MAMDC2: variants seen among roughly 807,000 people sequenced by gnomAD.
MAMDC2 encodes MAM domain-containing protein 2.
In MAMDC2, 57 loss-of-function variants were observed where a neutral mutation model predicts 89.8. That is an observed-to-expected ratio of 0.63 (90% CI 0.51 to 0.79). MAMDC2 has a LOEUF of 0.79. Among genes scored for constraint, MAMDC2 ranks in the 30% least tolerant of loss-of-function variants. The pLI, the probability that MAMDC2 is intolerant of heterozygous loss-of-function variation, is 0.00. For synonymous variants in MAMDC2, 313 were observed against 293.4 expected (o/e 1.07, Z -0.68); for missense variants, 800 against 820.6 (o/e 0.97, Z 0.31).
At chr9:70,095,540 T>G (rs888652304) in intron 2 of MAMDC2, among the ~76,000 whole-genome samples, 4 of 152,136 alleles carry the variant, frequency 2.6e-5, no homozygotes, top group Admixed American at 1.3e-4. Flanking sequence ...GATCACTAGA[T>G]AGCTGGGGGT....
At chr9:70,154,065 C>T (rs1299590522) in intron 9 of MAMDC2, 1 of 152,202 alleles carries the variant, frequency 6.6e-6, no homozygotes, top group African/African-American at 2.4e-5. Flanking sequence ...AGCAATTAAC[C>T]TAGAACCCTT....
At chr9:70,114,192 T>C (rs946369282) in intron 5 of MAMDC2, among the ~76,000 whole-genome samples, 4 of 150,198 alleles carry the variant, frequency 2.7e-5, no homozygotes, top group African/African-American at 9.9e-5. Flanking sequence ...TTCTCCTTTA[T>C]ATCCAGAGTC....
intron 11 of MAMDC2, among the ~76,000 whole-genome samples, chr9:70,189,819 T>C (rs1032233434): frequency 6.6e-6 from 1 of 152,090 alleles, no homozygotes; most frequent in Non-Finnish European, 1.5e-5. Flanking sequence ...GATAATCTCA[T>C]TGACCTGCCT....
At chr9:70,046,782 G>A (rs1025822168) in intron 2 of MAMDC2, among the ~76,000 whole-genome samples, 1 of 152,256 alleles carries the variant, frequency 6.6e-6, no homozygotes, top group African/African-American at 2.4e-5. Context: ...TCAGGACTGG[G>A]ACTACTGGGT....
chr9:70,168,620 C>T, intron 9 of MAMDC2, 82 bp from the exon 10 acceptor site: 1 of 1,076,202 alleles, frequency 9.3e-7, no homozygotes, highest in Admixed American at 1.8e-5. Context: ...TGCTCGCCTG[C>T]TGTGCTAAGT....
At chr9:70,143,124 C>T (rs115585792) in intron 8 of MAMDC2, among the ~76,000 whole-genome samples, 44 of 152,328 alleles carry the variant, frequency 2.9e-4, no homozygotes, top group African/African-American at 1.0e-3. Context: ...GAAATCCCAC[C>T]ATCTCTATCG....
chr9:70,205,107 C>T (rs1015861643), intron 11 of MAMDC2, among the ~76,000 whole-genome samples: 4 of 152,208 alleles, frequency 2.6e-5, no homozygotes, highest in African/African-American at 9.6e-5. Context: ...ATGTTAGTTT[C>T]TGACATTGCC....
chr9:70,063,086 C>T (rs891543701), intron 2 of MAMDC2: 4 of 152,076 alleles, frequency 2.6e-5, no homozygotes, highest in Non-Finnish European at 5.9e-5. Context: ...TGAACCCCGT[C>T]TGTACTATAC....
intron 2 of MAMDC2, among the ~76,000 whole-genome samples, chr9:70,065,020 T>C (rs1053634001): frequency 6.6e-6 from 1 of 152,182 alleles, no homozygotes; most frequent in Non-Finnish European, 1.5e-5. Context: ...AAATACTTAA[T>C]CTTAGCTCCA....
intron 7 of MAMDC2, among the ~76,000 whole-genome samples, chr9:70,135,651 T>C (rs1373439324): frequency 6.6e-6 from 1 of 152,170 alleles, no homozygotes; most frequent in Non-Finnish European, 1.5e-5. Context: ...TATTTTTTAG[T>C]GTAGTTTTAG....
At chr9:70,100,040 C>T (rs1563953416) in intron 2 of MAMDC2, among the ~76,000 whole-genome samples, 1 of 138,306 alleles carries the variant, frequency 7.2e-6, no homozygotes, top group Non-Finnish European at 1.6e-5. Flanking sequence ...GCACAATGGG[C>T]AGCAGGTAGA....
At chr9:70,078,377 C>T (rs1258223962) in intron 2 of MAMDC2, among the ~76,000 whole-genome samples, 2 of 152,150 alleles carry the variant, frequency 1.3e-5, no homozygotes, top group East Asian at 3.9e-4. Flanking sequence ...GAGGCTGAGG[C>T]ACAAAATATA....
intron 2 of MAMDC2, among the ~76,000 whole-genome samples, chr9:70,064,770 C>G (rs73650513): frequency 0.019 from 2,866 of 152,244 alleles, 99 homozygotes; most frequent in African/African-American, 0.064. Flanking sequence ...TGAGCAGAAC[C>G]CTCTAGTTGT....
At chr9:70,178,928 G>A (rs998272618) in intron 11 of MAMDC2, among the ~76,000 whole-genome samples, 3 of 152,126 alleles carry the variant, frequency 2.0e-5, no homozygotes, top group East Asian at 1.9e-4. Flanking sequence ...GGCAGCTTTC[G>A]AAGAACTGTA....
At chr9:70,129,512 G>A (rs1349253314) in intron 6 of MAMDC2, among the ~76,000 whole-genome samples, 1 of 152,138 alleles carries the variant, frequency 6.6e-6, no homozygotes, top group Admixed American at 6.5e-5. Flanking sequence ...AATAAGTGAT[G>A]AAAATGGGAT....
In MAMDC2 at chr9:70,078,064, T is replaced by A. The variant is rs574996773; in HGVS notation, c.149-30147T>A. Among the ~76,000 whole-genome samples the A allele has an allele frequency of 4.0e-5, 6 of 149,434 alleles. No individual in the cohort carries two copies. In the East Asian group the frequency reaches 1.2e-3, roughly 30 times the overall value. ...ATTAGGAAGTCAATTCCACCATTCC[T>A]ACTTATAATTTTTATTAGGAAATAG... On this transcript the variant is annotated intron_variant, in intron 2 of 13. Coordinates refer to ENST00000377182, the MANE Select transcript of MAMDC2 (RefSeq NM_153267.5).
At chr9:70,142,701 A>T (rs1452922298) in intron 8 of MAMDC2, among the ~76,000 whole-genome samples, 2 of 152,138 alleles carry the variant, frequency 1.3e-5, no homozygotes, top group African/African-American at 4.8e-5. Flanking sequence ...CTCTTGGTGT[A>T]TGGAGGCATA....
intron 11 of MAMDC2, among the ~76,000 whole-genome samples, chr9:70,211,925 G>A (rs535656366): frequency 2.6e-4 from 39 of 152,336 alleles, no homozygotes; most frequent in South Asian, 2.3e-3. Flanking sequence ...TATCAGCAGC[G>A]GAGGCTGCAG....
In MAMDC2 at chr9:70,084,168, C is replaced by G. The variant is rs1045433818; in HGVS notation, c.149-24043C>G. Among the ~76,000 whole-genome samples the G allele has an allele frequency of 2.6e-5, 4 of 152,034 alleles. 1 individual carries two copies. Among genetic ancestry groups the G allele is most frequent in the African/African-American group, 9.7e-5 (4 of 41,416 alleles). On this transcript the variant is annotated intron_variant, in intron 2 of 13. Transcript: ENST00000377182. ...TATATACTGTGAGGTTTCTGTGAGA[C>G]GGGAGACTCATAACCCTTAAATCTC...
Sources: allele counts gnomAD v4.1 joint callset (sites outside exome capture counted in the v4.1 genomes callset), GRCh38; gene constraint gnomAD v4.1.1; transcripts MANE v1.5; gene names NCBI Gene and HGNC (gene_info 2026-07-23, HGNC 2026-07-21).